Variants in B9D1 observed in about 807,000 individuals in gnomAD.
B9D1 encodes B9 domain containing 1, also known as B9 domain-containing protein 1.
Under a neutral mutation model 26.1 loss-of-function variants are expected in B9D1, and 20 were observed. That is an observed-to-expected ratio of 0.77 (90% CI 0.54 to 1.12). The LOEUF (loss-of-function observed/expected upper bound fraction) is 1.12, where lower values mean the gene tolerates loss of function less well. B9D1 is among the 50% of genes most tolerant of loss of function. The pLI, the probability that B9D1 is intolerant of heterozygous loss-of-function variation, is 0.00. For synonymous variants in B9D1, 105 were observed against 103.1 expected (o/e 1.02, Z -0.11); for missense variants, 260 against 273.7 (o/e 0.95, Z 0.35).
At chr17:19,352,982 CTTT>C (rs936160102) in intron 3 of B9D1, among the ~76,000 whole-genome samples, 1 of 142,330 alleles carries the variant, frequency 7.0e-6, no homozygotes. Context: ...TTTACTACTT[CTTT>C]TTTTTTTTTG....
chr17:19,370,276 C>A lies in B9D1; in HGVS notation c.-298+7583G>T, dbSNP rs1911827443. Among the ~76,000 whole-genome samples, 1 of 152,234 alleles carries A rather than the reference C, an allele frequency of 6.6e-6. No individual in the cohort carries two copies. Among genetic ancestry groups the A allele is most frequent in the African/African-American group, 2.4e-5 (1 of 41,470 alleles). ...CTGTGCAGAGTGGCTTCTCAGGGTG[C>A]ACACGGGGGAGATGTCGTAGGACAA... is the stretch of plus-strand genomic sequence containing the variant. On this transcript the variant is annotated intron_variant, in intron 1 of 5. Coordinates refer to the B9D1 transcript ENST00000477478. The surrounding 1 kb of genome is among the most constrained non-coding windows in gnomAD (Gnocchi z 5.1).
At chr17:19,336,533 G>A (rs916622330), downstream of B9D1, 1 of 152,708 alleles carries the variant, frequency 6.5e-6, no homozygotes, top group Non-Finnish European at 1.5e-5. Flanking sequence ...CACTGATCAT[G>A]AAGCCACCGG....
chr17:19,362,393 A>G, intron 1 of B9D1, 114 bp downstream of exon 1: 1 of 725,974 alleles, frequency 1.4e-6, no homozygotes, highest in Non-Finnish European at 2.2e-6. Context: ...CCTAACCGAG[A>G]GGCTCAGAGG....
intron 5 of B9D1, among the ~76,000 whole-genome samples, chr17:19,345,772 G>A (rs546452292): frequency 2.6e-5 from 4 of 152,350 alleles, no homozygotes; most frequent in Admixed American, 6.5e-5. Context: ...AACGAATACA[G>A]TGGCCAAGAG....
chr17:19,358,982 T>G (rs2152274959), intron 2 of B9D1, among the ~76,000 whole-genome samples: 1 of 152,308 alleles, frequency 6.6e-6, no homozygotes, highest in Middle Eastern at 3.4e-3. Context: ...AGCCCTGCTG[T>G]GAATCCTAAC....
intron 2 of B9D1, 36 bp from the exon 3 acceptor site, chr17:19,357,987 G>A (rs1159652156): frequency 1.3e-6 from 2 of 1,527,992 alleles, no homozygotes; most frequent in Non-Finnish European, 1.8e-6. Context: ...TGGATTCAGA[G>A]CAGAGCCAAG....
chr17:19,373,590 G>C (rs1421809674), intron 1 of B9D1, among the ~76,000 whole-genome samples: 1 of 151,978 alleles, frequency 6.6e-6, no homozygotes, highest in Non-Finnish European at 1.5e-5. Flanking sequence ...GCAGAGACAG[G>C]GTTTCACCAT....
rs767246134 is a variant in B9D1 at position 19,347,364 on chromosome 17, G to A, written c.342-33C>T. On this transcript the variant is annotated intron_variant, in intron 4 of 6. Transcript: ENST00000261499. The surrounding 1 kb of genome is among the most constrained non-coding windows in gnomAD (Gnocchi z 4.3). The stretch of plus-strand genomic sequence containing the variant: ...AAATGTTTTTGCAGACAGAGATGCT[G>A]AGTAAGAGACCTTTCTGAGCCTCCA... 11 of 1,611,804 alleles carry A rather than the reference G, an allele frequency of 6.8e-6. No homozygotes were observed. Among genetic ancestry groups the A allele is most frequent in the Admixed American group, 1.7e-5 (1 of 60,020 alleles).
chr17:19,341,469 G>GAAGA (rs943852691), downstream of B9D1: 7 of 474,886 alleles, frequency 1.5e-5, no homozygotes, highest in Non-Finnish European at 2.3e-5. Flanking sequence ...GAGAAGGGGA[G>GAAGA]AAGAAAGACC....
rs1277484695 is a variant in B9D1 at position 19,359,744 on chromosome 17, TATC to T, written c.132+573_132+575del. 4.6e-5 allele frequency among the ~76,000 whole-genome samples: 7 copies of T among 152,222 alleles called. No homozygotes were observed. Among genetic ancestry groups the T allele is most frequent in the Non-Finnish European group, 5.9e-5 (4 of 68,032 alleles). On this transcript the variant is annotated intron_variant, in intron 2 of 6. Coordinates refer to ENST00000261499, the MANE Select transcript of B9D1 (RefSeq NM_015681.6). The surrounding 1 kb of genome is among the most constrained non-coding windows in gnomAD (Gnocchi z 5.0). The stretch of plus-strand genomic sequence containing the variant: ...CAATCAATAAAGGGAAAAGAAGGAT[TATC>T]ATCTCAGTTGTACAAATGAGGAAAC...
chr17:19,368,100 A>G (rs1911691639), intron 1 of B9D1, among the ~76,000 whole-genome samples: 1 of 152,036 alleles, frequency 6.6e-6, no homozygotes, highest in Non-Finnish European at 1.5e-5. Context: ...AACAGAATAA[A>G]CCGGTCTGGG....
intron 3 of B9D1, among the ~76,000 whole-genome samples, chr17:19,351,663 G>C (rs1347250130): frequency 6.6e-6 from 1 of 152,134 alleles, no homozygotes; most frequent in Non-Finnish European, 1.5e-5. Context: ...AACTTTCTTT[G>C]TGAGAACATT....
downstream of B9D1, chr17:19,340,921 C>A (rs1907903237): frequency 5.2e-6 from 1 of 193,884 alleles, no homozygotes; most frequent in African/African-American, 2.3e-5. Context: ...AGGTGGAGTC[C>A]TGATTTCACA....
chr17:19,367,787 C>T (rs1911678213), intron 1 of B9D1, among the ~76,000 whole-genome samples: 1 of 152,220 alleles, frequency 6.6e-6, no homozygotes, highest in South Asian at 2.1e-4. Flanking sequence ...TTTCTGATCC[C>T]CAACTTGGTC....
At chr17:19,346,635 C>T (rs562268232) in intron 5 of B9D1, among the ~76,000 whole-genome samples, 1 of 152,340 alleles carries the variant, frequency 6.6e-6, no homozygotes, top group African/African-American at 2.4e-5. Flanking sequence ...TGCATCCAGG[C>T]ATCCCCTGGG....
At chr17:19,362,926 G>C (rs1029467993), upstream of B9D1, 2 of 386,736 alleles carry the variant, frequency 5.2e-6, no homozygotes, top group Non-Finnish European at 9.9e-6. Context: ...CCGGCTCCCC[G>C]TCCCCGCCGA....
intron 1 of B9D1, among the ~76,000 whole-genome samples, chr17:19,361,922 C>A (rs546877124): frequency 6.6e-6 from 1 of 152,226 alleles, no homozygotes; most frequent in African/African-American, 2.4e-5. Context: ...TGGACCAGTG[C>A]GGAGCACCGA....
rs2048230 is a variant in B9D1 at position 19,372,886 on chromosome 17, G to A, written c.-298+4973C>T. 0.2 allele frequency among the ~76,000 whole-genome samples: 30,343 copies of A among 152,170 alleles called. 3,760 individuals are homozygous for A. Among genetic ancestry groups the A allele is most frequent in the East Asian group, 0.6 (3,109 of 5,174 alleles). On this transcript the variant is annotated intron_variant, in intron 1 of 5. Transcript: ENST00000477478. This position sits in a 1 kb window ranked among gnomAD's most constrained non-coding sequence, Gnocchi z 4.4. The stretch of plus-strand genomic sequence containing the variant: ...AGTTTTTAACCACACCCACTCTTGC[G>A]GCAGAGGGGTGCGAACAGTTGGGCA...
intron 1 of B9D1, chr17:19,377,797 AACTCC>A: frequency 1.0e-6 from 1 of 979,830 alleles, no homozygotes; most frequent in Non-Finnish European, 1.2e-6. Context: ...CGCCTCGGTT[AACTCC>A]GCTGCAGCCC....
Sources: gnomAD v4.1 joint callset for allele counts (sites outside exome capture counted in the v4.1 genomes callset) on GRCh38, gnomAD v4.1.1 for gene constraint, Gnocchi (gnomAD v3.1) non-coding constraint, MANE v1.5 for transcripts, NCBI Gene and HGNC (gene_info 2026-07-23, HGNC 2026-07-21) for gene names.